Variants in GBP1 observed in about 807,000 individuals in gnomAD.
GBP1 encodes the protein guanylate-binding protein 1.
In GBP1, 64 loss-of-function variants were observed where a neutral mutation model predicts 69.5. That is an observed-to-expected ratio of 0.92 (90% CI 0.75 to 1.13). GBP1 has a LOEUF of 1.13. Ranked by LOEUF, GBP1 falls within the 50% of genes most tolerant of loss-of-function variation. GBP1 has a pLI of 0.00. For missense variants in GBP1, 630 were observed against 704.1 expected, an observed-to-expected ratio of 0.89 and a Z score of 1.19; for synonymous variants, 250 against 261.2, an observed-to-expected ratio of 0.96 and a Z score of 0.41.
intron 7 of GBP1, 148 bp from the exon 8 acceptor site, chr1:89,056,376 A>T: frequency 1.5e-6 from 2 of 1,375,212 alleles, no homozygotes; most frequent in East Asian, 2.5e-5. Flanking sequence ...CTTCCTTCTG[A>T]CCCCACTTTC....
In GBP1 at chr1:89,063,185, G is replaced by A; in HGVS notation, c.50C>T (p.Thr17Ile). 6.2e-7 allele frequency: 1 copy of A among 1,614,112 alleles called. No individual in the cohort carries two copies. The highest frequency in any genetic ancestry group is 8.5e-7 in the Non-Finnish European group (1 of 1,179,976). The change falls in exon 2 of 11, where the codon ACT becomes ATT. Residue 17 changes from threonine to isoleucine, a missense_variant. Coordinates refer to ENST00000370473, the MANE Select transcript of GBP1 (RefSeq NM_002053.3). ...TGGATTCGCCATCAGTCGCCCATTA[G>A]TGTTCTCAATGAGGCACATTGGGCC... ...MTGPMCLIEN[T>I]NGRLMANPEA...
intron 10 of GBP1, 29 bp from the exon 11 acceptor site, chr1:89,053,497 A>G (rs1451517379): frequency 1.9e-6 from 3 of 1,608,734 alleles, no homozygotes; most frequent in Admixed American, 1.7e-5. Context: ...AGGCTGAGTA[A>G]AGTGTAGCAT....
Position 89,057,031 on chromosome 1 carries a change from A to C in GBP1, c.978T>G (p.Ala326=). 6.2e-7 allele frequency: 1 copy of C among 1,614,254 alleles called. No individual in the cohort carries two copies. Among genetic ancestry groups the C allele is most frequent in the Non-Finnish European group, 8.5e-7 (1 of 1,180,044 alleles). Residue 326 remains alanine (A), a synonymous_variant, in exon 7 of 11, where the codon GCT becomes GCG. Coordinates refer to ENST00000370473, the MANE Select transcript of GBP1 (RefSeq NM_002053.3). ...AGTGGGCAATAGCCTTTTGCACTGC[A>C]GCTGAGTTCTCTATCTGGGCCAAGG... is the stretch of plus-strand genomic sequence containing the variant. The part of the protein sequence containing the change: ...VLALAQIENS[A]AVQKAIAHYE...
chr1:89,056,853 C>G lies in GBP1; in HGVS notation c.1155+1G>C, dbSNP rs148550368. ...CCGTATACATTTGAGACAAAAATTA[C>G]CGCTAACTCCTTTTGAAATAGATGG... On this transcript the variant is annotated splice_donor_variant, in intron 7 of 10. Transcript: ENST00000370473. LOFTEE classifies it high-confidence loss of function. 1.0e-4 allele frequency: 166 copies of G among 1,613,396 alleles called. No homozygotes were observed. Among genetic ancestry groups the G allele is most frequent in the Non-Finnish European group, 1.3e-4 (148 of 1,179,572 alleles).
intron 8 of GBP1, chr1:89,055,680 G>T: frequency 2.5e-6 from 1 of 405,760 alleles, no homozygotes; most frequent in Non-Finnish European, 4.5e-6. Context: ...AAGCCAGTTT[G>T]CAGCCTAAAT....
rs1253404999 is a variant in GBP1 at position 89,056,876 on chromosome 1, T to C, written c.1133A>G (p.His378Arg). The change falls in exon 7 of 11, where the codon CAT becomes CGT. Residue 378 changes from histidine to arginine, a missense_variant. By Grantham distance (29) the His-to-Arg change is conservative. This residue lies in a region of GBP1 where 367 missense variants were observed against 369.5 expected (regional missense o/e 0.99). Coordinates refer to ENST00000370473, the MANE Select transcript of GBP1 (RefSeq NM_002053.3). ...TACCGCTAACTCCTTTTGAAATAGATGGTCCACATCTTTGAAGGAACTCCT... is the reference window on the plus strand; with the variant it reads ...TACCGCTAACTCCTTTTGAAATAGACGGTCCACATCTTTGAAGGAACTCCT... ...FIRSSFKDVDHLFQKELAAQL... is the reference protein window; with the variant it reads ...FIRSSFKDVDRLFQKELAAQL... The C allele has an allele frequency of 3.7e-6, 6 of 1,614,072 alleles. No individual in the cohort carries two copies. Among genetic ancestry groups the C allele is most frequent in the Non-Finnish European group, 5.1e-6 (6 of 1,179,994 alleles).
At chr1:89,063,997 A>G (rs10493822) in intron 1 of GBP1, among the ~76,000 whole-genome samples, 41,454 of 152,006 alleles carry the variant, frequency 0.27, 5,802 homozygotes, top group South Asian at 0.3. Context: ...CAAATACTGA[A>G]TGTTTCCTCC....
chr1:89,057,186 T>C (rs1680071486), intron 6 of GBP1, 52 bp from the exon 7 acceptor site: 1 of 1,603,064 alleles, frequency 6.2e-7, no homozygotes, highest in Non-Finnish European at 8.5e-7. Context: ...AAAGTCTCTA[T>C]TCCATGTAAT....
intron 5 of GBP1, 39 bp from the exon 6 acceptor site, chr1:89,058,273 T>A: frequency 6.6e-7 from 1 of 1,521,616 alleles, no homozygotes; most frequent in Non-Finnish European, 8.8e-7. Context: ...TTGCCTAATA[T>A]AAGTGTTTCT....
At chr1:89,059,512 T>C in intron 3 of GBP1, 86 bp from the exon 4 acceptor site, 3 of 1,367,888 alleles carry the variant, frequency 2.2e-6, no homozygotes, top group Non-Finnish European at 3.0e-6. Context: ...TATGTTCATA[T>C]GTTAGAGGGT....
intron 2 of GBP1, among the ~76,000 whole-genome samples, chr1:89,061,356 A>G (rs1454987192): frequency 1.3e-5 from 2 of 152,204 alleles, no homozygotes; most frequent in Non-Finnish European, 2.9e-5. Context: ...GCCCATGAAT[A>G]AACTCTGATA....
chr1:89,062,685 G>T, intron 2 of GBP1: 1 of 185,818 alleles, frequency 5.4e-6, no homozygotes, highest in Non-Finnish European at 1.1e-5. Flanking sequence ...ACTACAGATT[G>T]AAACATTTTT....
intron 10 of GBP1, 114 bp from the exon 11 acceptor site, chr1:89,053,582 A>G: frequency 6.8e-7 from 1 of 1,463,206 alleles, no homozygotes; most frequent in Non-Finnish European, 9.0e-7. Flanking sequence ...GTCACGCAAG[A>G]CGTAAATGTC....
chr1:89,058,900 G>C lies in GBP1; in HGVS notation c.572C>G (p.Ala191Gly). 1 of 1,614,164 alleles carries C rather than the reference G, an allele frequency of 6.2e-7. No homozygotes were observed. The highest frequency in any genetic ancestry group is 1.1e-5 in the South Asian group (1 of 91,082). ...TLRDFSLDLEADGQPLTPDEY... is the reference protein window; with the variant it reads ...TLRDFSLDLEGDGQPLTPDEY... ...ATCTGGTGTGAGGGGTTGTCCATCT[G>C]CTTCCAAGTCCAGGGAGAAATCTCT... is the stretch of plus-strand genomic sequence containing the variant. Residue 191 changes from alanine (A) to glycine (G), a missense_variant, in exon 5 of 11, where the codon GCA becomes GGA. Physicochemically the swap from Ala to Gly is moderately conservative, Grantham distance 60. Around this residue, in one of 5 missense-constraint regions of GBP1, gnomAD observed 367 missense variants for 369.5 expected, o/e 0.99. Coordinates refer to ENST00000370473, the MANE Select transcript of GBP1 (RefSeq NM_002053.3).
chr1:89,057,179 G>C, intron 6 of GBP1, 45 bp from the exon 7 acceptor site: 1 of 1,607,982 alleles, frequency 6.2e-7, no homozygotes, highest in South Asian at 1.1e-5. Context: ...GGTAAAGAAA[G>C]TCTCTATTCC....
At chr1:89,060,119 A>G (rs976764869) in intron 3 of GBP1, 78 bp downstream of exon 3, 10 of 1,329,476 alleles carry the variant, frequency 7.5e-6, no homozygotes, top group African/African-American at 4.5e-5. Context: ...TGTAGTTAAT[A>G]GTTAATAAAC....
chr1:89,058,322 C>A, intron 5 of GBP1, 88 bp from the exon 6 acceptor site: 2 of 1,143,864 alleles, frequency 1.7e-6, no homozygotes. Flanking sequence ...GCTCTTCAGG[C>A]TGGATGGTCT....
intron 2 of GBP1, among the ~76,000 whole-genome samples, chr1:89,062,498 G>A (rs1680224334): frequency 6.6e-6 from 1 of 152,192 alleles, no homozygotes. Flanking sequence ...ATGGGTTTAT[G>A]TGGAGCTTTT....
intron 10 of GBP1, among the ~76,000 whole-genome samples, chr1:89,054,478 T>G (rs1266508340): frequency 1.3e-5 from 2 of 152,138 alleles, no homozygotes; most frequent in Non-Finnish European, 2.9e-5. Context: ...GGACTGAATG[T>G]TACACAACTG....
Sources: gnomAD v4.1 joint callset for allele counts (sites outside exome capture counted in the v4.1 genomes callset) on GRCh38, gnomAD v4.1.1 for gene constraint, gnomAD v4.1.1 regional missense constraint, MANE v1.5 for transcripts, NCBI Gene and HGNC (gene_info 2026-07-23, HGNC 2026-07-21) for gene names.